Variants in GNB1L observed in about 807,000 individuals in gnomAD.
GNB1L encodes G protein subunit beta 1 like.
GNB1L carries 20 observed loss-of-function variants against 29.1 expected under a neutral mutation model. The observed-to-expected ratio is 0.69, with a 90% CI of 0.48 to 1.00. The LOEUF is 1.00. Among genes scored for constraint, GNB1L ranks in the 50% least tolerant of loss-of-function variants. GNB1L has a pLI of 0.00. For synonymous variants in GNB1L, 193 were observed against 206.5 expected, an observed-to-expected ratio of 0.93 and a Z score of 0.56; for missense variants, 421 against 464.9, an observed-to-expected ratio of 0.91 and a Z score of 0.87.
chr22:19,834,303 A>G lies in GNB1L; in HGVS notation c.-20-12928T>C, dbSNP rs552531367. 1.3e-5 allele frequency among the ~76,000 whole-genome samples: 2 copies of G among 152,334 alleles called. 1 individual carries two copies. The highest frequency in any genetic ancestry group is 3.9e-4 in the East Asian group (2 of 5,194). On this transcript the variant is annotated intron_variant, in intron 2 of 7. Coordinates refer to ENST00000329517, the MANE Select transcript of GNB1L (RefSeq NM_053004.3). The stretch of plus-strand genomic sequence containing the variant: ...AGAAAACAACTCTATATCTAGCAAA[A>G]TATTCTTTGGGGATGAAGGCAAAAT...
intron 7 of GNB1L, among the ~76,000 whole-genome samples, chr22:19,801,654 T>G (rs906128911): frequency 8.5e-5 from 7 of 82,752 alleles, no homozygotes; most frequent in Non-Finnish European, 1.9e-4. Context: ...TCCACACTGG[T>G]TTTTTTTTTT....
At chr22:19,792,732 G>A (rs1397146253) in intron 7 of GNB1L, 11 of 1,510,820 alleles carry the variant, frequency 7.3e-6, no homozygotes, top group Non-Finnish European at 1.0e-5. Context: ...CACCACCTTG[G>A]TGGAGAACAA....
intron 5 of GNB1L, among the ~76,000 whole-genome samples, chr22:19,811,483 T>G (rs970234027): frequency 3.3e-5 from 5 of 151,746 alleles, no homozygotes; most frequent in Non-Finnish European, 5.9e-5. Context: ...TCCCTTCAGC[T>G]CCCCCAAGAG....
intron 5 of GNB1L, among the ~76,000 whole-genome samples, chr22:19,811,822 G>A (rs1171210508): frequency 1.3e-5 from 2 of 152,026 alleles, no homozygotes; most frequent in African/African-American, 4.8e-5. Context: ...CCCTGGGTCA[G>A]CCCTCCCCAG....
intron 4 of GNB1L, among the ~76,000 whole-genome samples, chr22:19,814,230 G>A (rs1937516850): frequency 6.6e-6 from 1 of 152,052 alleles, no homozygotes; most frequent in African/African-American, 2.4e-5. Context: ...AGGGATGAGG[G>A]AAACGAGAAT....
intron 2 of GNB1L, chr22:19,852,411 G>A (rs1440200246): frequency 7.6e-6 from 6 of 789,756 alleles, no homozygotes; most frequent in Non-Finnish European, 1.2e-5. Context: ...GAGGATCAGG[G>A]AGCTGACAGC....
chr22:19,803,647 T>C (rs1426728628), intron 6 of GNB1L, among the ~76,000 whole-genome samples: 1 of 152,218 alleles, frequency 6.6e-6, no homozygotes, highest in African/African-American at 2.4e-5. Context: ...CAGAAGCTCC[T>C]TGCAGGCAGC....
chr22:19,817,538 G>C (rs1822372200), intron 4 of GNB1L, among the ~76,000 whole-genome samples: 1 of 152,208 alleles, frequency 6.6e-6, no homozygotes, highest in South Asian at 2.1e-4. Flanking sequence ...GCAGCTACAT[G>C]CAACACACGG....
intron 2 of GNB1L, among the ~76,000 whole-genome samples, chr22:19,834,805 G>A (rs1937736563): frequency 6.6e-6 from 1 of 151,628 alleles, no homozygotes. Flanking sequence ...AAAAAGAAGA[G>A]AAGAAAAAGA....
intron 2 of GNB1L, chr22:19,851,920 C>T: frequency 6.2e-7 from 1 of 1,614,142 alleles, no homozygotes; most frequent in Non-Finnish European, 8.5e-7. Context: ...AGAAGCGGTC[C>T]AGTAGCCACG....
intron 6 of GNB1L, among the ~76,000 whole-genome samples, chr22:19,804,790 G>A (rs891218622): frequency 2.6e-5 from 4 of 152,162 alleles, no homozygotes; most frequent in Admixed American, 6.5e-5. Flanking sequence ...TTTGTCCTCT[G>A]TCAACTACAT....
intron 7 of GNB1L, among the ~76,000 whole-genome samples, chr22:19,800,274 C>T (rs115720999): frequency 0.021 from 3,249 of 152,316 alleles, 83 homozygotes; most frequent in African/African-American, 0.066. Context: ...TGGGCCAGGA[C>T]GGCAGGAGGG....
chr22:19,847,724 C>CCAACAGTATGAGAA, intron 2 of GNB1L: 4 of 981,292 alleles, frequency 4.1e-6, no homozygotes, highest in Non-Finnish European at 4.8e-6. Context: ...TGTATTCCCA[C>CCAACAGTATGAGAA]CAACAGTATG....
At chr22:19,792,468 C>G (rs550350899) in intron 7 of GNB1L, 1 of 1,580,370 alleles carries the variant, frequency 6.3e-7, no homozygotes, top group African/African-American at 1.3e-5. Flanking sequence ...GAAATGGCCC[C>G]GCTATATCAG....
intron 7 of GNB1L, among the ~76,000 whole-genome samples, chr22:19,793,906 T>A (rs1252003820): frequency 1.3e-5 from 2 of 152,214 alleles, no homozygotes; most frequent in African/African-American, 2.4e-5. Context: ...GATACTTGGG[T>A]CTATAGGATG....
At chr22:19,850,833 T>A in intron 2 of GNB1L, 1 of 1,289,562 alleles carries the variant, frequency 7.8e-7, no homozygotes, top group Non-Finnish European at 9.8e-7. Flanking sequence ...GGGGTGGAGG[T>A]GACAAAGATG....
intron 2 of GNB1L, among the ~76,000 whole-genome samples, chr22:19,841,930 G>C (rs1383055474): frequency 6.6e-6 from 1 of 152,226 alleles, no homozygotes; most frequent in African/African-American, 2.4e-5. Flanking sequence ...CTAGCATGAA[G>C]ATGTTGAATT....
At chr22:19,805,905 T>C (rs548814552) in intron 6 of GNB1L, among the ~76,000 whole-genome samples, 1 of 152,366 alleles carries the variant, frequency 6.6e-6, no homozygotes, top group South Asian at 2.1e-4. Flanking sequence ...GAGGGGCTCT[T>C]TGCAAGTGAA....
At chr22:19,814,701 T>A (rs1354244791) in intron 4 of GNB1L, among the ~76,000 whole-genome samples, 1 of 151,918 alleles carries the variant, frequency 6.6e-6, no homozygotes, top group Non-Finnish European at 1.5e-5. Context: ...CCTGAGAAAA[T>A]ATCAGACAAA....
Sources: allele counts gnomAD v4.1 joint callset (sites outside exome capture counted in the v4.1 genomes callset), GRCh38; gene constraint gnomAD v4.1.1; transcripts MANE v1.5; gene names NCBI Gene and HGNC (gene_info 2026-07-23, HGNC 2026-07-21).